Variants in AFF1 observed in about 807,000 individuals in gnomAD.
AFF1 encodes AF4/FMR2 family member 1.
Under a neutral mutation model 121.7 loss-of-function variants are expected in AFF1, and 48 were observed. The observed-to-expected ratio is 0.39, with a 90% confidence interval of 0.31 to 0.50. The LOEUF is 0.50. Ranked by LOEUF, AFF1 falls within the 20% of genes least tolerant of loss-of-function variation. The pLI, the probability that AFF1 is intolerant of heterozygous loss-of-function variation, is 0.76. For missense variants in AFF1, 1,523 were observed against 1,511.7 expected, an observed-to-expected ratio of 1.01 and a Z score of -0.12; for synonymous variants, 613 against 563.0, an observed-to-expected ratio of 1.09 and a Z score of -1.26.
intron 4 of AFF1, among the ~76,000 whole-genome samples, chr4:87,072,473 A>G (rs990883534): frequency 1.3e-5 from 2 of 151,886 alleles, no homozygotes; most frequent in Non-Finnish European, 2.9e-5. Flanking sequence ...TAAATTCAAG[A>G]ATAACTTTTA....
At chr4:87,087,516 G>A (rs555806812) in intron 5 of AFF1, among the ~76,000 whole-genome samples, 3 of 152,252 alleles carry the variant, frequency 2.0e-5, no homozygotes, top group Admixed American at 6.5e-5. Flanking sequence ...CAGGGCTGAC[G>A]TAGGTCCCAG....
chr4:87,058,314 C>T (rs1720365667), intron 4 of AFF1, among the ~76,000 whole-genome samples: 2 of 152,172 alleles, frequency 1.3e-5, no homozygotes, highest in Admixed American at 1.3e-4. Flanking sequence ...TGTTTTTCCA[C>T]ATGGCCTTGC....
intron 1 of AFF1, among the ~76,000 whole-genome samples, chr4:86,943,930 C>G (rs1454593131): frequency 6.6e-6 from 1 of 151,106 alleles, no homozygotes; most frequent in Non-Finnish European, 1.5e-5. Flanking sequence ...CATTGCACTC[C>G]AGCCTGGGCA....
chr4:87,051,899 A>C (rs1731303909), intron 4 of AFF1, among the ~76,000 whole-genome samples: 1 of 152,206 alleles, frequency 6.6e-6, no homozygotes, highest in South Asian at 2.1e-4. Context: ...TTGATAATAT[A>C]GTTATAATGA....
Position 87,140,562 on chromosome 4 carries a change from AAGG to A in AFF1, c.*4864_*4866del, listed in dbSNP as rs1276769038. On this transcript the variant is annotated 3_prime_UTR_variant, in exon 21 of 21. Coordinates refer to ENST00000395146, the MANE Select transcript of AFF1 (RefSeq NM_001166693.3). ...TTGGTATTATTAAAATTGTTTTAAA[AAGG>A]AGTAAATTTTCCAGTTGATAAATGA... 8 of 180,352 alleles carry A rather than the reference AAGG, an allele frequency of 4.4e-5. No individual in the cohort carries two copies. The highest frequency in any genetic ancestry group is 1.2e-4 in the African/African-American group (5 of 42,310). The allele number at this position is 180,352 out of a possible 1,614,324, so 11.2% of individuals were successfully genotyped here.
intron 2 of AFF1, among the ~76,000 whole-genome samples, chr4:87,020,231 G>T (rs1406369735): frequency 6.6e-6 from 1 of 152,196 alleles, no homozygotes; most frequent in Non-Finnish European, 1.5e-5. Flanking sequence ...TCTCTTCACA[G>T]TTATTTTCAA....
intron 10 of AFF1, among the ~76,000 whole-genome samples, chr4:87,107,805 G>A (rs1726070347): frequency 6.6e-6 from 1 of 152,222 alleles, no homozygotes; most frequent in Admixed American, 6.5e-5. Context: ...GGGTATGGGT[G>A]TCTTCCAATA....
intron 4 of AFF1, among the ~76,000 whole-genome samples, chr4:87,049,095 AGGGG>A (rs34105259): frequency 1.8e-5 from 2 of 113,058 alleles, no homozygotes; most frequent in Admixed American, 9.5e-5. Flanking sequence ...AAAAAAAAAA[AGGGG>A]GGGGGGGGAC....
chr4:87,088,045 G>T (rs1460399394), intron 5 of AFF1, among the ~76,000 whole-genome samples: 1 of 152,008 alleles, frequency 6.6e-6, no homozygotes, highest in African/African-American at 2.4e-5. Context: ...CATTCAGTAC[G>T]GTACATAAAG....
At chr4:86,949,824 C>G (rs1414790923) in intron 2 of AFF1, 1 of 1,613,946 alleles carries the variant, frequency 6.2e-7, no homozygotes, top group South Asian at 1.1e-5. Context: ...ATGGCGAAAC[C>G]GATCCAGGAC....
intron 6 of AFF1, among the ~76,000 whole-genome samples, chr4:87,090,598 G>A (rs189370995): frequency 9.9e-5 from 15 of 152,204 alleles, no homozygotes; most frequent in Non-Finnish European, 1.9e-4. Context: ...CCTTCAAAAT[G>A]TAGAAATAGC....
At chr4:87,111,012 A>ATTTTTTTTTTTTTTTTTTTTT (rs1281817683) in intron 11 of AFF1, among the ~76,000 whole-genome samples, 5 of 29,272 alleles carry the variant, frequency 1.7e-4, no homozygotes, top group Admixed American at 5.3e-4. Context: ...TTTTTTTTTT[A>ATTTTTTTTTTTTTTTTTTTTT]TTTTTTTTTT....
intron 2 of AFF1, among the ~76,000 whole-genome samples, chr4:87,034,392 C>T (rs17701999): frequency 0.21 from 32,673 of 152,050 alleles, 3,709 homozygotes; most frequent in East Asian, 0.32. Context: ...GTGGAAGGAC[C>T]GCTTAATTTG....
rs1450589557 is a variant in AFF1, at chr4:87,138,227, T to C, written c.*2526T>C. 1 of 232,610 alleles carries C rather than the reference T, an allele frequency of 4.3e-6. No individual in the cohort carries two copies. Among genetic ancestry groups the C allele is most frequent in the Non-Finnish European group, 8.5e-6 (1 of 117,742 alleles). The allele number at this position is 232,610 out of a possible 1,614,324, so 14.4% of individuals were successfully genotyped here. A position where few individuals can be genotyped will look rare whatever the true frequency, so the allele number is the denominator to read the frequency against. On this transcript the variant is annotated 3_prime_UTR_variant, in exon 21 of 21. Transcript: ENST00000395146. ...GTAGTGGCTGATGAATCCTTAACGT[T>C]CATAGGGTCTTTTTGCTGTTACGGT...
At chr4:87,118,901 T>C (rs1415245616) in intron 12 of AFF1, among the ~76,000 whole-genome samples, 1 of 152,238 alleles carries the variant, frequency 6.6e-6, no homozygotes, top group Non-Finnish European at 1.5e-5. Flanking sequence ...AGCAAGAGGC[T>C]CAGGAACACT....
chr4:87,136,543 C>G lies in AFF1; in HGVS notation c.*842C>G, dbSNP rs1049607289. 1 of 232,272 alleles carries G rather than the reference C, an allele frequency of 4.3e-6. No homozygotes were observed. The highest frequency in any genetic ancestry group is 8.5e-6 in the Non-Finnish European group (1 of 117,594). 14.4% of individuals were successfully genotyped at this position (232,272 alleles called of 1,614,324 possible). A position where few individuals can be genotyped will look rare whatever the true frequency, so the allele number is the denominator to read the frequency against. The stretch of plus-strand genomic sequence containing the variant: ...CCCCTGCTTCAGCGAAAGGGACTCT[C>G]TAACAGGGCAGTCACTGTTGACTCT... On this transcript the variant is annotated 3_prime_UTR_variant, in exon 21 of 21. Transcript: ENST00000395146.
intron 7 of AFF1, among the ~76,000 whole-genome samples, chr4:87,092,803 C>T (rs757091924): frequency 6.6e-6 from 1 of 152,162 alleles, no homozygotes; most frequent in African/African-American, 2.4e-5. Context: ...GTATGAGTAG[C>T]TAGGTAAAAT....
At chr4:87,004,641 C>T (rs963131314) in intron 2 of AFF1, among the ~76,000 whole-genome samples, 1 of 152,098 alleles carries the variant, frequency 6.6e-6, no homozygotes, top group African/African-American at 2.4e-5. Flanking sequence ...TATTCTTGTT[C>T]CAGTGAGCAT....
chr4:87,004,308 C>T (rs760940410), intron 2 of AFF1, among the ~76,000 whole-genome samples: 1 of 152,142 alleles, frequency 6.6e-6, no homozygotes, highest in Non-Finnish European at 1.5e-5. Flanking sequence ...GTTTGCACCT[C>T]AATTACTGTG....
Sources: gnomAD v4.1 joint callset for allele counts (sites outside exome capture counted in the v4.1 genomes callset) on GRCh38, gnomAD v4.1.1 for gene constraint, MANE v1.5 for transcripts, NCBI Gene and HGNC (gene_info 2026-07-23, HGNC 2026-07-21) for gene names.